Variants in METTL15 observed in about 807,000 individuals in gnomAD.
METTL15 encodes the protein methyltransferase 15, mitochondrial 12S rRNA N4-cytidine.
Under a neutral mutation model 38.3 loss-of-function variants are expected in METTL15, and 34 were observed. The observed-to-expected ratio is 0.89, with a 90% CI of 0.68 to 1.18. The LOEUF (loss-of-function observed/expected upper bound fraction) is 1.18, where lower values mean the gene tolerates loss of function less well. METTL15 is among the 50% of genes most tolerant of loss of function. The pLI is 0.00. For missense variants in METTL15, 438 were observed against 498.4 expected (o/e 0.88, Z 1.15); for synonymous variants, 162 against 170.9 (o/e 0.95, Z 0.41).
At chr11:28,375,297 G>A (rs1264808187) in intron 5 of METTL15, among the ~76,000 whole-genome samples, 6 of 147,192 alleles carry the variant, frequency 4.1e-5, no homozygotes, top group Non-Finnish European at 7.5e-5. Flanking sequence ...ATCTGGTCCT[G>A]GACTCTTTTT....
At position 28,378,556 on chromosome 11, in the gene METTL15, G is replaced by T. The variant is rs113236044; in HGVS notation, c.*358+16520G>T. ...ACCCACTGACCTGCACCCACTGTCT[G>T]GCACTCCCTAGTGAGATGAACCGGG... On this transcript the variant is annotated intron_variant and NMD_transcript_variant, in intron 5 of 7. Transcript: ENST00000532947. Among the ~76,000 whole-genome samples the T allele has an allele frequency of 2.9e-3, 447 of 152,300 alleles. 2 individuals are homozygous for T. Among genetic ancestry groups the T allele is most frequent in the African/African-American group, 9.3e-3 (387 of 41,588 alleles).
intron 3 of METTL15, among the ~76,000 whole-genome samples, chr11:28,339,022 C>A (rs1331223516): frequency 6.6e-6 from 1 of 152,060 alleles, no homozygotes; most frequent in Admixed American, 6.6e-5. Context: ...TTTTGATAGT[C>A]TTTTGGGAAG....
chr11:28,209,459 C>T (rs954725772), intron 3 of METTL15, among the ~76,000 whole-genome samples: 5 of 151,890 alleles, frequency 3.3e-5, no homozygotes, highest in African/African-American at 1.2e-4. Flanking sequence ...TTAAGTGTTT[C>T]TATAAATAAA....
In METTL15 at chr11:28,121,501, C is replaced by A. The variant is rs542864291; in HGVS notation, c.270+7897C>A. ...CTTCTAATAAACCTTAAAAGGGTTTCAAAATATTCTTAACCTGAACTTTCC... is the reference window on the plus strand; with the variant it reads ...CTTCTAATAAACCTTAAAAGGGTTTAAAAATATTCTTAACCTGAACTTTCC... On this transcript the variant is annotated intron_variant, in intron 3 of 6. Coordinates refer to ENST00000407364, the MANE Select transcript of METTL15 (RefSeq NM_001113528.2). 1.6e-4 allele frequency among the ~76,000 whole-genome samples: 25 copies of A among 152,156 alleles called. No homozygotes were observed. The South Asian group carries it at 5.2e-3, about 32-fold the overall frequency.
intron 6 of METTL15, among the ~76,000 whole-genome samples, chr11:28,488,979 A>G (rs1298253139): frequency 1.3e-5 from 2 of 152,138 alleles, no homozygotes; most frequent in African/African-American, 2.4e-5. Context: ...TGTTATGGCT[A>G]CAACCCTCTC....
chr11:28,465,540 A>C (rs765590224), intron 6 of METTL15, among the ~76,000 whole-genome samples: 1 of 152,110 alleles, frequency 6.6e-6, no homozygotes, highest in Non-Finnish European at 1.5e-5. Flanking sequence ...CAAAATCTCT[A>C]AGGCTAAAAC....
intron 5 of METTL15, among the ~76,000 whole-genome samples, chr11:28,294,423 C>G (rs1053103250): frequency 6.6e-6 from 1 of 152,132 alleles, no homozygotes; most frequent in African/African-American, 2.4e-5. Flanking sequence ...ACTTCCTTAA[C>G]CAGTCGCCAT....
At chr11:28,163,455 A>G (rs1304841221) in intron 3 of METTL15, 5 of 397,740 alleles carry the variant, frequency 1.3e-5, no homozygotes, top group Non-Finnish European at 2.2e-5. Context: ...TTCCTCTTGT[A>G]ACTCTCTCCC....
intron 5 of METTL15, chr11:28,410,765 T>C (rs1013623954): frequency 1.3e-5 from 2 of 152,010 alleles, no homozygotes; most frequent in African/African-American, 4.8e-5. Flanking sequence ...CTGGAAATAC[T>C]GGCAAGAAAA....
intron 5 of METTL15, among the ~76,000 whole-genome samples, chr11:28,387,636 T>A (rs946303777): frequency 5.9e-5 from 9 of 152,022 alleles, no homozygotes; most frequent in Admixed American, 3.3e-4. Flanking sequence ...TTAACACCAG[T>A]GTTTCTGAAA....
intron 3 of METTL15, among the ~76,000 whole-genome samples, chr11:28,181,640 C>G (rs1351612478): frequency 6.6e-6 from 1 of 152,080 alleles, no homozygotes; most frequent in African/African-American, 2.4e-5. Flanking sequence ...ACCACATTTT[C>G]TTTATCCAGT....
intron 3 of METTL15, among the ~76,000 whole-genome samples, chr11:28,117,227 A>ATG (rs1852001641): frequency 2.7e-5 from 1 of 36,806 alleles, no homozygotes. Flanking sequence ...ATATACACCT[A>ATG]TATATGTATG....
intron 6 of METTL15, among the ~76,000 whole-genome samples, chr11:28,469,668 G>A (rs1165114451): frequency 1.3e-5 from 2 of 152,048 alleles, no homozygotes; most frequent in Non-Finnish European, 2.9e-5. Context: ...ATGAGTTAAT[G>A]TTTGCAGAGC....
chr11:28,236,195 T>A (rs913486034), intron 4 of METTL15, among the ~76,000 whole-genome samples: 9 of 152,166 alleles, frequency 5.9e-5, no homozygotes, highest in African/African-American at 1.9e-4. Flanking sequence ...GATGTGCTGC[T>A]GTATTCGGTT....
At chr11:28,238,440 G>A (rs921906395) in intron 4 of METTL15, among the ~76,000 whole-genome samples, 35 of 152,302 alleles carry the variant, frequency 2.3e-4, no homozygotes, top group South Asian at 6.2e-4. Flanking sequence ...CTGGTGCGCC[G>A]TTTCCTAAGC....
rs541435800 is a variant in METTL15, at chr11:28,395,568, C to G, written c.*359-28731C>G. Among the ~76,000 whole-genome samples, 4 of 152,248 alleles carry G rather than the reference C, an allele frequency of 2.6e-5. No individual in the cohort carries two copies. In the East Asian group the frequency reaches 7.7e-4, roughly 29 times the overall value. On this transcript the variant is annotated intron_variant and NMD_transcript_variant, in intron 5 of 7. Coordinates refer to the METTL15 transcript ENST00000532947. Reference sequence around the variant, plus strand: ...AGACTAAACCAGGAAGAAGTTGAATCCCTGAACAGACCAATAGCAGGCTGA... The same window carrying G: ...AGACTAAACCAGGAAGAAGTTGAATGCCTGAACAGACCAATAGCAGGCTGA...
In METTL15 at chr11:28,290,207, A is replaced by G. The variant is rs1030230112; in HGVS notation, c.409A>G (p.Lys137Glu). ...TCTATCTCCTGGGTTTACTCACAGT[A>G]AACAAATCCGAGCTATGCTGGGCCA... is the stretch of plus-strand genomic sequence containing the variant. Reference protein sequence around the residue: ...LAEHLSELYPKQIRAMLGQFS... With the variant: ...LAEHLSELYPEQIRAMLGQFS... Residue 137 changes from lysine (K) to glutamate (E), a missense_variant and splice_region_variant, in exon 5 of 7, where the codon AAA becomes GAA. Physicochemically the swap from Lys to Glu is moderately conservative, Grantham distance 56. Coordinates refer to ENST00000407364, the MANE Select transcript of METTL15 (RefSeq NM_001113528.2). The G allele has an allele frequency of 1.9e-6, 3 of 1,607,434 alleles. No individual in the cohort carries two copies. Among genetic ancestry groups the G allele is most frequent in the Middle Eastern group, 1.7e-4 (1 of 5,752 alleles).
At chr11:28,272,061 G>A (rs1200054169) in intron 4 of METTL15, among the ~76,000 whole-genome samples, 6 of 152,154 alleles carry the variant, frequency 3.9e-5, no homozygotes, top group Admixed American at 1.3e-4. Context: ...TAAAAAGTCA[G>A]GAAATAACAT....
At chr11:28,385,072 A>G (rs887221438) in intron 5 of METTL15, among the ~76,000 whole-genome samples, 8 of 151,994 alleles carry the variant, frequency 5.3e-5, no homozygotes, top group African/African-American at 1.9e-4. Flanking sequence ...GTTTGCAAAT[A>G]TTTTCTTCCA....
Sources: gnomAD v4.1 joint callset for allele counts (sites outside exome capture counted in the v4.1 genomes callset) on GRCh38, gnomAD v4.1.1 for gene constraint, MANE v1.5 for transcripts, NCBI Gene and HGNC (gene_info 2026-07-23, HGNC 2026-07-21) for gene names.